The following BRD10 variants were observed in gnomAD, a reference collection of about 807,000 sequenced individuals.
The protein encoded by BRD10 is bromodomain containing 10, also known as uncharacterized bromodomain-containing protein 10.
the BRD10 span, chr9:5,920,403 T>A: frequency 8.7e-6 from 14 of 1,613,856 alleles, no homozygotes; most frequent in Non-Finnish European, 1.1e-5. Flanking sequence ...CTGAACTGAC[T>A]CCCGACTAGA....
At chr9:5,917,845 C>T in the BRD10 span, among the ~76,000 whole-genome samples, 1 of 151,964 alleles carries the variant, frequency 6.6e-6, no homozygotes, top group African/African-American at 2.4e-5. Flanking sequence ...AGAGAAGACC[C>T]CGTCTCAAAA....
At chr9:6,008,207 C>T in the BRD10 span, 33 of 979,610 alleles carry the variant, frequency 3.4e-5, no homozygotes, top group Non-Finnish European at 3.8e-5. Flanking sequence ...GTTCTCCTCT[C>T]CCCTCCCCGG....
chr9:5,883,939 C>T, the BRD10 span, among the ~76,000 whole-genome samples: 1 of 152,178 alleles, frequency 6.6e-6, no homozygotes, highest in East Asian at 1.9e-4. Flanking sequence ...AGGCCTCACC[C>T]TCCCTGAGAG....
At chr9:5,945,925 AATTACTAATTCACC>A in the BRD10 span, among the ~76,000 whole-genome samples, 1 of 152,062 alleles carries the variant, frequency 6.6e-6, no homozygotes, top group Non-Finnish European at 1.5e-5. Flanking sequence ...TGTACTTATA[AATTACTAATTCACC>A]ATTAGCTTTT....
chr9:5,926,536 T>G, the BRD10 span, among the ~76,000 whole-genome samples: 1 of 152,122 alleles, frequency 6.6e-6, no homozygotes, highest in East Asian at 1.9e-4. Context: ...ATTTTTTATT[T>G]ATTTATTTTT....
the BRD10 span, chr9:5,969,463 T>C: frequency 1.4e-6 from 2 of 1,395,898 alleles, no homozygotes; most frequent in African/African-American, 1.5e-5. Flanking sequence ...AATTATACTA[T>C]TATTATTCAG....
the BRD10 span, among the ~76,000 whole-genome samples, chr9:5,893,069 G>A: frequency 3.3e-5 from 5 of 152,164 alleles, no homozygotes; most frequent in Non-Finnish European, 5.9e-5. Context: ...TTTTATGAGT[G>A]AATTAAAAAT....
At chr9:5,978,782 C>T in the BRD10 span, among the ~76,000 whole-genome samples, 6,812 of 152,262 alleles carry the variant, frequency 0.045, 395 homozygotes, top group African/African-American at 0.14. Context: ...CCTGGAACAA[C>T]CAGAAACTCC....
the BRD10 span, among the ~76,000 whole-genome samples, chr9:6,001,985 T>A: frequency 2.6e-5 from 4 of 152,242 alleles, no homozygotes; most frequent in Non-Finnish European, 4.4e-5. Context: ...CCTCCCATTA[T>A]TTGTTTTAAA....
At chr9:5,978,185 G>C in the BRD10 span, among the ~76,000 whole-genome samples, 1 of 151,990 alleles carries the variant, frequency 6.6e-6, no homozygotes. Context: ...CTGTTACTCT[G>C]TGAAATACTA....
chr9:5,921,808 G>A, the BRD10 span: 5 of 1,614,006 alleles, frequency 3.1e-6, no homozygotes, highest in African/African-American at 1.3e-5. Context: ...AGGACTTCAA[G>A]GGAGAAGAGG....
chr9:5,938,726 C>T, the BRD10 span, among the ~76,000 whole-genome samples: 1 of 152,062 alleles, frequency 6.6e-6, no homozygotes, highest in Non-Finnish European at 1.5e-5. Flanking sequence ...GACAGTGTAA[C>T]TATTTAAAGG....
the BRD10 span, among the ~76,000 whole-genome samples, chr9:5,884,211 C>T: frequency 6.6e-6 from 1 of 152,222 alleles, no homozygotes; most frequent in African/African-American, 2.4e-5. Flanking sequence ...AGGTAATCCT[C>T]ATGGCCACCT....
At chr9:5,952,473 T>A in the BRD10 span, among the ~76,000 whole-genome samples, 1 of 152,230 alleles carries the variant, frequency 6.6e-6, no homozygotes, top group South Asian at 2.1e-4. Flanking sequence ...TTCACACTGC[T>A]ATGTGTAGCA....
the BRD10 span, among the ~76,000 whole-genome samples, chr9:6,006,386 T>C: frequency 8.5e-5 from 13 of 152,334 alleles, no homozygotes; most frequent in South Asian, 2.1e-4. Context: ...ACCAAAAACA[T>C]TGAATTTTTC....
chr9:6,005,508 AAAAT>A, the BRD10 span, among the ~76,000 whole-genome samples: 3 of 152,228 alleles, frequency 2.0e-5, no homozygotes, highest in East Asian at 5.8e-4. Flanking sequence ...CAGAGAAAAT[AAAAT>A]AAATAAATAA....
the BRD10 span, among the ~76,000 whole-genome samples, chr9:5,988,875 T>C: frequency 6.6e-6 from 1 of 152,112 alleles, no homozygotes; most frequent in African/African-American, 2.4e-5. Context: ...TACGAGAAAA[T>C]GTACAATAAT....
the BRD10 span, among the ~76,000 whole-genome samples, chr9:5,925,704 C>G: frequency 6.6e-6 from 1 of 152,076 alleles, no homozygotes; most frequent in East Asian, 1.9e-4. Flanking sequence ...AAAATTATGC[C>G]TAGGAAAACA....
At chr9:5,963,594 C>G in the BRD10 span, among the ~76,000 whole-genome samples, 2,054 of 152,012 alleles carry the variant, frequency 0.014, 15 homozygotes, top group Non-Finnish European at 0.021. Flanking sequence ...GCCTGCATCA[C>G]CAAGTCAATC....
Sources: allele counts gnomAD v4.1 joint callset (sites outside exome capture counted in the v4.1 genomes callset), GRCh38; gene constraint gnomAD v4.1.1; transcripts MANE v1.5; gene names NCBI Gene and HGNC (gene_info 2026-07-23, HGNC 2026-07-21).